The following SLAIN2 variants were observed in gnomAD, a reference collection of about 807,000 sequenced individuals.
SLAIN2 encodes SLAIN family member 2.
SLAIN2 carries 31 observed loss-of-function variants against 56.6 expected under a neutral mutation model. That is an observed-to-expected ratio of 0.55 (90% CI 0.41 to 0.74). The LOEUF (loss-of-function observed/expected upper bound fraction) is 0.74, where lower values mean the gene tolerates loss of function less well. Among genes scored for constraint, SLAIN2 ranks in the 30% least tolerant of loss-of-function variants. The probability of loss-of-function intolerance (pLI) is 0.00; values close to 1 mark genes in which losing one functional copy is unlikely to be tolerated. For missense variants in SLAIN2, 777 were observed against 754.2 expected (o/e 1.03, Z -0.35); for synonymous variants, 317 against 284.9 (o/e 1.11, Z -1.13).
At chr4:48,392,147 A>G (rs1183661804) in intron 6 of SLAIN2, among the ~76,000 whole-genome samples, 4 of 152,230 alleles carry the variant, frequency 2.6e-5, no homozygotes, top group Admixed American at 2.6e-4. Context: ...ATTCAGAATA[A>G]CATTGGATTT....
chr4:48,393,170 C>T (rs1481264075), intron 6 of SLAIN2, among the ~76,000 whole-genome samples: 1 of 151,884 alleles, frequency 6.6e-6, no homozygotes, highest in Non-Finnish European at 1.5e-5. Context: ...GTCAAGAGTT[C>T]CAGACCAGCC....
chr4:48,387,334 C>T (rs1372060544), intron 6 of SLAIN2: 1 of 152,080 alleles, frequency 6.6e-6, no homozygotes, highest in Non-Finnish European at 1.5e-5. Flanking sequence ...ATTATAATCA[C>T]CTGCTGATAC....
chr4:48,377,843 C>T (rs1215412457), intron 2 of SLAIN2, 53 bp from the exon 3 acceptor site: 37 of 1,518,484 alleles, frequency 2.4e-5, no homozygotes, highest in East Asian at 9.1e-5. Flanking sequence ...AGAAATGAAA[C>T]GTTAACTTTT....
At chr4:48,373,955 T>C (rs1045839432) in intron 2 of SLAIN2, among the ~76,000 whole-genome samples, 3 of 152,054 alleles carry the variant, frequency 2.0e-5, no homozygotes, top group South Asian at 2.1e-4. Context: ...GGAGAATCGC[T>C]TAAACCCCGG....
intron 6 of SLAIN2, among the ~76,000 whole-genome samples, chr4:48,414,099 TAGTC>T (rs1440452361): frequency 6.6e-6 from 1 of 152,226 alleles, no homozygotes; most frequent in Non-Finnish European, 1.5e-5. Context: ...TTAGGATTCT[TAGTC>T]ATGTCATTTT....
chr4:48,342,095 G>A lies in SLAIN2; in HGVS notation c.356G>A (p.Arg119His), dbSNP rs1259432553. ...CCGCTGCGGCCCGACGAGCTGGAGC[G>A]CCTGTCAGGCTGGGAGGAGGAGGAG... Reference protein sequence around the residue: ...VEPLRPDELERLSGWEEEEES... With the variant: ...VEPLRPDELEHLSGWEEEEES... The change falls in exon 1 of 8, where the codon CGC becomes CAC. Residue 119 changes from arginine to histidine, a missense_variant. Arg to His is a conservative substitution (Grantham distance 29). Coordinates refer to ENST00000264313, the MANE Select transcript of SLAIN2 (RefSeq NM_020846.2). 8.8e-6 allele frequency: 12 copies of A among 1,365,524 alleles called. No individual in the cohort carries two copies. The highest frequency in any genetic ancestry group is 1.1e-5 in the Non-Finnish European group (12 of 1,066,486). 84.6% of individuals were successfully genotyped at this position (1,365,524 alleles called of 1,614,324 possible). A position where few individuals can be genotyped will look rare whatever the true frequency, so the allele number is the denominator to read the frequency against.
intron 6 of SLAIN2, among the ~76,000 whole-genome samples, chr4:48,399,130 C>T (rs1031948907): frequency 6.6e-6 from 1 of 152,116 alleles, no homozygotes; most frequent in Middle Eastern, 3.2e-3. Flanking sequence ...TTCTTCCTAT[C>T]CATGAGCATG....
chr4:48,355,291 G>A (rs1335333192), intron 1 of SLAIN2, among the ~76,000 whole-genome samples: 3 of 152,100 alleles, frequency 2.0e-5, no homozygotes, highest in African/African-American at 4.8e-5. Context: ...TTTCTTTGGG[G>A]GTGAGGAGGC....
At chr4:48,379,246 G>A (rs540661403) in intron 3 of SLAIN2, among the ~76,000 whole-genome samples, 1 of 152,168 alleles carries the variant, frequency 6.6e-6, no homozygotes, top group South Asian at 2.1e-4. Context: ...TCAAATTATA[G>A]TTTTCTCATT....
At chr4:48,403,289 A>C (rs1716603974) in intron 6 of SLAIN2, among the ~76,000 whole-genome samples, 4 of 151,724 alleles carry the variant, frequency 2.6e-5, no homozygotes, top group Admixed American at 2.6e-4. Flanking sequence ...GACTGCTCTG[A>C]CTCTCCAGAG....
Position 48,422,303 on chromosome 4 carries a change from A to C in SLAIN2, c.*226A>C. 2.4e-6 allele frequency: 1 copy of C among 422,944 alleles called. No homozygotes were observed. The highest frequency in any genetic ancestry group is 4.2e-6 in the Non-Finnish European group (1 of 235,782). The allele number at this position is 422,944 out of a possible 1,614,324, so 26.2% of individuals were successfully genotyped here. On this transcript the variant is annotated 3_prime_UTR_variant, in exon 8 of 8. Transcript: ENST00000264313. ...TCATACAATCACTCTCCATAGAATC[A>C]CTTTTAGTTTTGTTTAATAGAAACT...
chr4:48,383,163 G>GT, intron 5 of SLAIN2, among the ~76,000 whole-genome samples: 1 of 78,464 alleles, frequency 1.3e-5, no homozygotes. Flanking sequence ...GCAGGATCCT[G>GT]TTTTCAAAAA....
intron 6 of SLAIN2, among the ~76,000 whole-genome samples, chr4:48,406,545 T>A (rs1716702691): frequency 7.4e-6 from 1 of 134,974 alleles, no homozygotes; most frequent in Non-Finnish European, 1.6e-5. Flanking sequence ...TTTTTTTTTT[T>A]AAGTTAAGCT....
chr4:48,401,479 C>G (rs1716555266), intron 6 of SLAIN2, among the ~76,000 whole-genome samples: 1 of 152,098 alleles, frequency 6.6e-6, no homozygotes, highest in Non-Finnish European at 1.5e-5. Flanking sequence ...TACATATATA[C>G]TTAGGATAGT....
At chr4:48,383,516 G>A in intron 5 of SLAIN2, 131 bp from the exon 6 acceptor site, 5 of 790,902 alleles carry the variant, frequency 6.3e-6, no homozygotes, top group East Asian at 6.0e-5. Flanking sequence ...AATAAGACAA[G>A]TCCTTTGTAT....
rs1031345372 is a variant in SLAIN2 at position 48,424,753 on chromosome 4, T to C, written c.*2676T>C. 6.6e-6 allele frequency: 1 copy of C among 151,730 alleles called. No individual in the cohort carries two copies. The highest frequency in any genetic ancestry group is 2.4e-5 in the African/African-American group (1 of 41,342). 9.4% of individuals were successfully genotyped at this position (151,730 alleles called of 1,614,324 possible). A position where few individuals can be genotyped will look rare whatever the true frequency, so the allele number is the denominator to read the frequency against. On this transcript the variant is annotated 3_prime_UTR_variant, in exon 8 of 8. Coordinates refer to ENST00000264313, the MANE Select transcript of SLAIN2 (RefSeq NM_020846.2). ...CAGATACTTTTTAAAATTATCTCAA[T>C]ACATCACTTTTATAAAAAAAAAAAG...
chr4:48,411,063 G>A (rs1200881998), intron 6 of SLAIN2, among the ~76,000 whole-genome samples: 2 of 152,006 alleles, frequency 1.3e-5, no homozygotes, highest in Non-Finnish European at 2.9e-5. Context: ...ATTGTGTTTC[G>A]TTGGTGTTTT....
intron 6 of SLAIN2, among the ~76,000 whole-genome samples, chr4:48,405,663 GGGGTTTCCTCT>G (rs972412500): frequency 1.3e-5 from 2 of 151,936 alleles, no homozygotes. Context: ...TGCATAAAGT[GGGGTTTCCTCT>G]TTTCATGATG....
At chr4:48,412,658 G>A (rs1312159510) in intron 6 of SLAIN2, among the ~76,000 whole-genome samples, 1 of 152,012 alleles carries the variant, frequency 6.6e-6, no homozygotes, top group Non-Finnish European at 1.5e-5. Flanking sequence ...TTGTATTTAT[G>A]GAAGAAAAGG....
Sources: gnomAD v4.1 joint callset for allele counts (sites outside exome capture counted in the v4.1 genomes callset) on GRCh38, gnomAD v4.1.1 for gene constraint, MANE v1.5 for transcripts, NCBI Gene and HGNC (gene_info 2026-07-23, HGNC 2026-07-21) for gene names.